Variants in MALRD1 observed in about 807,000 individuals in gnomAD.
MALRD1 encodes MAM and LDL-receptor class A domain-containing protein 1.
A neutral mutation model predicts 242.1 loss-of-function variants in MALRD1; 247 were observed. The ratio of observed to expected loss-of-function variants is 1.02; its 90% CI spans 0.92 to 1.13. MALRD1 has a LOEUF of 1.13. Ranked by LOEUF, MALRD1 falls within the 50% of genes most tolerant of loss-of-function variation. MALRD1 has a pLI of 0.00. For synonymous variants in MALRD1, 995 were observed against 866.6 expected (o/e 1.15, Z -2.60); for missense variants, 2,989 against 2,533.1 (o/e 1.18, Z -3.86).
intron 36 of MALRD1, among the ~76,000 whole-genome samples, chr10:19,681,871 T>G (rs1413222392): frequency 6.6e-6 from 1 of 150,884 alleles, no homozygotes; most frequent in Non-Finnish European, 1.5e-5. Flanking sequence ...TTTTTTTTTT[T>G]TTTTTGAGAC....
Position 19,389,466 on chromosome 10 carries a change from C to G in MALRD1, c.4702C>G (p.Leu1568Val), listed in dbSNP as rs935651586. The G allele has an allele frequency of 3.2e-6, 5 of 1,550,336 alleles. No individual in the cohort carries two copies. Among genetic ancestry groups the G allele is most frequent in the South Asian group, 1.2e-5 (1 of 84,028 alleles). Reference protein sequence around the residue: ...LGNENGHFMYLEATAVGLRGD... With the variant: ...LGNENGHFMYVEATAVGLRGD... ...CTTGTTCCTAGGGCACTTCATGTAT[C>G]TGGAAGCTACTGCAGTGGGCCTTCG... The change falls in exon 28 of 40, where the codon CTG becomes GTG. Residue 1568 changes from leucine to valine, a missense_variant. By Grantham distance (32) the Leu-to-Val change is conservative. Coordinates refer to ENST00000454679, the MANE Select transcript of MALRD1 (RefSeq NM_001142308.3).
chr10:19,398,454 T>C (rs1376638358), intron 28 of MALRD1, among the ~76,000 whole-genome samples: 1 of 152,160 alleles, frequency 6.6e-6, no homozygotes, highest in African/African-American at 2.4e-5. Flanking sequence ...AAAGGCGTGA[T>C]GAACATAAAT....
chr10:19,693,497 G>A (rs966837017), intron 38 of MALRD1, among the ~76,000 whole-genome samples: 3 of 151,998 alleles, frequency 2.0e-5, no homozygotes, highest in South Asian at 2.1e-4. Context: ...AGAATAAAAT[G>A]CCTAGGAATC....
intron 36 of MALRD1, among the ~76,000 whole-genome samples, chr10:19,668,697 A>T (rs917570781): frequency 6.6e-6 from 1 of 152,178 alleles, no homozygotes; most frequent in African/African-American, 2.4e-5. Flanking sequence ...AAAGGGATTT[A>T]GGAAATTATA....
At chr10:19,547,429 G>T (rs1835255187) in intron 32 of MALRD1, among the ~76,000 whole-genome samples, 1 of 151,846 alleles carries the variant, frequency 6.6e-6, no homozygotes, top group Admixed American at 6.6e-5. Flanking sequence ...AAAGCTCTCT[G>T]CTTCTGATCC....
chr10:19,157,166 G>A (rs890724098), intron 12 of MALRD1, among the ~76,000 whole-genome samples: 2 of 151,858 alleles, frequency 1.3e-5, no homozygotes, highest in African/African-American at 4.9e-5. Flanking sequence ...GTTATTGATA[G>A]TCTGAGATAC....
chr10:19,509,928 G>A (rs745376095), intron 31 of MALRD1, among the ~76,000 whole-genome samples: 6 of 147,286 alleles, frequency 4.1e-5, no homozygotes, highest in East Asian at 2.0e-4. Context: ...CCAGGGGACC[G>A]GCGCTCAGCA....
intron 11 of MALRD1, among the ~76,000 whole-genome samples, chr10:19,149,252 A>G (rs1393001185): frequency 1.3e-5 from 2 of 152,050 alleles, no homozygotes; most frequent in Non-Finnish European, 2.9e-5. Flanking sequence ...AGTAGCTGGG[A>G]CTACAGGTGC....
At chr10:19,236,950 G>T (rs1183478165) in intron 18 of MALRD1, among the ~76,000 whole-genome samples, 1 of 151,860 alleles carries the variant, frequency 6.6e-6, no homozygotes, top group Admixed American at 6.6e-5. Flanking sequence ...ACTTTGCATT[G>T]GTGGTTGAGA....
intron 32 of MALRD1, among the ~76,000 whole-genome samples, chr10:19,555,281 T>C (rs899925502): frequency 6.6e-6 from 1 of 152,024 alleles, no homozygotes; most frequent in African/African-American, 2.4e-5. Flanking sequence ...ACCTTTAACA[T>C]TGGGGATCAC....
chr10:19,577,961 G>C (rs1836913441), intron 33 of MALRD1, among the ~76,000 whole-genome samples: 2 of 152,092 alleles, frequency 1.3e-5, no homozygotes, highest in Non-Finnish European at 2.9e-5. Flanking sequence ...GCCAGGGTCA[G>C]TCTGGCCCTG....
At chr10:19,516,983 A>T (rs866741756) in intron 31 of MALRD1, among the ~76,000 whole-genome samples, 1 of 152,212 alleles carries the variant, frequency 6.6e-6, no homozygotes, top group Non-Finnish European at 1.5e-5. Context: ...GATGGCCATG[A>T]CAAGCACTTA....
Position 19,636,003 on chromosome 10 carries a change from C to G in MALRD1, c.6137+20080C>G, listed in dbSNP as rs142111568. ...GCAACCTCCTCTTCCTGGGTTCAAG[C>G]AATTCTCCTGCCTCAGCCTTCCCAG... On this transcript the variant is annotated intron_variant, in intron 36 of 39. Coordinates refer to ENST00000454679, the MANE Select transcript of MALRD1 (RefSeq NM_001142308.3). 9.3e-3 allele frequency among the ~76,000 whole-genome samples: 1,411 copies of G among 152,110 alleles called. 19 individuals are homozygous for G. The highest frequency in any genetic ancestry group is 0.032 in the African/African-American group (1,324 of 41,474).
chr10:19,612,705 A>G (rs1838954307), intron 35 of MALRD1, among the ~76,000 whole-genome samples: 1 of 152,032 alleles, frequency 6.6e-6, no homozygotes. Context: ...ACTTACAATC[A>G]TGATGGAAGA....
At chr10:19,131,104 T>C (rs926410757) in intron 8 of MALRD1, among the ~76,000 whole-genome samples, 2 of 152,160 alleles carry the variant, frequency 1.3e-5, no homozygotes, top group Non-Finnish European at 2.9e-5. Context: ...TGCTCGCTGA[T>C]GCAAAATCTG....
chr10:19,650,467 G>A (rs1564515774), intron 36 of MALRD1, among the ~76,000 whole-genome samples: 2 of 152,118 alleles, frequency 1.3e-5, no homozygotes, highest in Non-Finnish European at 1.5e-5. Flanking sequence ...AAATGTAGAA[G>A]ACTATGCTGT....
chr10:19,231,794 C>T (rs937464136), intron 18 of MALRD1, among the ~76,000 whole-genome samples: 1 of 151,884 alleles, frequency 6.6e-6, no homozygotes, highest in African/African-American at 2.4e-5. Context: ...CTAGTACAGT[C>T]TGTTCTGTAA....
At position 19,155,121 on chromosome 10, in the gene MALRD1, G is replaced by A; in HGVS notation, c.1605G>A (p.Lys535=). ...LEAQRSPGVA[K]LGSPVLTKLL... is the part of the protein sequence containing the mutation. Reference sequence around the variant, plus strand: ...CACAGCGCTCCCCCGGGGTGGCCAAGCTTGGAAGTCCTGTTCTTACAAAAT... The same window carrying A: ...CACAGCGCTCCCCCGGGGTGGCCAAACTTGGAAGTCCTGTTCTTACAAAAT... The change falls in exon 12 of 40, where the codon AAG becomes AAA. Residue 535 remains lysine, a synonymous_variant. Transcript: ENST00000454679. 2.2e-5 allele frequency: 27 copies of A among 1,231,598 alleles called. No individual in the cohort carries two copies. The highest frequency in any genetic ancestry group is 2.7e-5 in the Non-Finnish European group (27 of 987,922). The allele number at this position is 1,231,598 out of a possible 1,614,324, so 76.3% of individuals were successfully genotyped here.
intron 29 of MALRD1, chr10:19,489,223 G>A: frequency 2.1e-6 from 1 of 475,310 alleles, no homozygotes; most frequent in South Asian, 1.5e-5. Flanking sequence ...AGGCAGCAGC[G>A]AAGGATACAT....
Sources: allele counts gnomAD v4.1 joint callset (sites outside exome capture counted in the v4.1 genomes callset), GRCh38; gene constraint gnomAD v4.1.1; transcripts MANE v1.5; gene names NCBI Gene and HGNC (gene_info 2026-07-23, HGNC 2026-07-21).